The following CACNA1A variants were observed in gnomAD, a reference collection of about 807,000 sequenced individuals.
The protein encoded by CACNA1A is calcium voltage-gated channel subunit alpha1 A, also known as voltage-dependent P/Q-type calcium channel subunit alpha-1A.
CACNA1A carries 57 observed loss-of-function variants against 262.4 expected under a neutral mutation model. The observed-to-expected ratio is 0.22, with a 90% CI of 0.18 to 0.27. The LOEUF is 0.27. CACNA1A is among the 10% of genes least tolerant of loss of function. The pLI is 1.00. For synonymous variants in CACNA1A, 1,431 were observed against 1,419.3 expected (o/e 1.01, Z -0.18); for missense variants, 2,526 against 3,562.8 (o/e 0.71, Z 7.41).
chr19:13,298,585 G>T lies in CACNA1A; in HGVS notation c.3048C>A (p.Asp1016Glu). ...RHGAPATYEG[D>E]ARREDKERRH... Reference sequence around the variant, plus strand: ...TCCGCTCCTTGTCCTCCCTCCGCGCGTCCCCCTCGTACGTGGCTGGAGCGC... The same window carrying T: ...TCCGCTCCTTGTCCTCCCTCCGCGCTTCCCCCTCGTACGTGGCTGGAGCGC... The change falls in exon 19 of 47, where the codon GAC (aspartate) becomes GAA (glutamate). Residue 1016 changes from aspartate (D) to glutamate (E), a missense_variant. Around this residue, in one of 17 missense-constraint regions of CACNA1A, gnomAD observed 765 missense variants for 748.6 expected, o/e 1.02. Transcript: ENST00000360228. The T allele has an allele frequency of 6.5e-7, 1 of 1,542,090 alleles. No homozygotes were observed. Among genetic ancestry groups the T allele is most frequent in the Non-Finnish European group, 8.8e-7 (1 of 1,142,526 alleles).
At chr19:13,232,835 G>A (rs191902862) in intron 34 of CACNA1A, among the ~76,000 whole-genome samples, 50 of 151,462 alleles carry the variant, frequency 3.3e-4, no homozygotes, top group African/African-American at 1.1e-3. Flanking sequence ...GATCACCTGA[G>A]GTCAGGAGTT....
In CACNA1A at chr19:13,210,761, A is replaced by G. The variant is rs1311720150; in HGVS notation, c.6304-109T>C. On this transcript the variant is annotated intron_variant, in intron 43 of 46. Transcript: ENST00000360228. ...GTGGTGCATGGAGAAGAAGCCAAGG[A>G]GGGGAGTGGCACTGGCATCAAGAGA... The G allele has an allele frequency of 3.0e-5, 33 of 1,113,218 alleles. No homozygotes were observed. The East Asian group carries it at 8.2e-4, about 28-fold the overall frequency. 69.0% of individuals were successfully genotyped at this position (1,113,218 alleles called of 1,614,324 possible).
chr19:13,320,654 G>T (rs1401941728), intron 10 of CACNA1A, among the ~76,000 whole-genome samples: 2 of 152,068 alleles, frequency 1.3e-5, no homozygotes, highest in African/African-American at 4.8e-5. Context: ...CCTACTAAGT[G>T]CTGGACCCCA....
rs150142387 is a variant in CACNA1A at position 13,393,809 on chromosome 19, C to CCT, written c.540-22032_540-22031dup. Among the ~76,000 whole-genome samples the CCT allele has an allele frequency of 3.6e-3, 365 of 102,610 alleles. 4 individuals are homozygous for CCT. The highest frequency in any genetic ancestry group is 7.2e-3 in the African/African-American group (206 of 28,486). 67.3% of individuals were successfully genotyped at this position (102,610 alleles called of 152,430 possible). A position where few individuals can be genotyped will look rare whatever the true frequency, so the allele number is the denominator to read the frequency against. On this transcript the variant is annotated intron_variant, in intron 3 of 46. Transcript: ENST00000360228. ...TCCTTCCTTCCTTCCCTCCCTCCTT[C>CCT]CTCTCTCTCTCTCTCTCTCTCTCTC...
intron 1 of CACNA1A, among the ~76,000 whole-genome samples, chr19:13,461,886 G>C (rs1050282161): frequency 3.3e-5 from 5 of 152,118 alleles, no homozygotes; most frequent in African/African-American, 1.2e-4. Context: ...AATGGCTCTC[G>C]GAAGTCAGGA....
intron 24 of CACNA1A, chr19:13,274,141 A>G (rs951001213): frequency 1.3e-5 from 2 of 152,180 alleles, no homozygotes; most frequent in Non-Finnish European, 2.9e-5. Flanking sequence ...AACGAACAAA[A>G]AGAGAGGAGA....
At position 13,371,674 on chromosome 19, in the gene CACNA1A, G is replaced by A. The variant is rs1377159542; in HGVS notation, c.631+14C>T. 62 of 1,556,790 alleles carry A rather than the reference G, an allele frequency of 4.0e-5. No homozygotes were observed. Among genetic ancestry groups the A allele is most frequent in the Non-Finnish European group, 4.7e-5 (54 of 1,148,500 alleles). The stretch of plus-strand genomic sequence containing the variant: ...CGTGAGCAAACCCCTTGTCAGGGTC[G>A]GAAACTCACGCACTTGGGATTCCAG... On this transcript the variant is annotated intron_variant, in intron 4 of 46. Coordinates refer to ENST00000360228, the MANE Select transcript of CACNA1A (RefSeq NM_001127222.2).
intron 3 of CACNA1A, among the ~76,000 whole-genome samples, chr19:13,448,532 A>G (rs907045535): frequency 6.6e-6 from 1 of 152,150 alleles, no homozygotes; most frequent in African/African-American, 2.4e-5. Flanking sequence ...CCACACAGGG[A>G]TTTTTAAGGC....
chr19:13,263,167 C>CT, intron 24 of CACNA1A: 1 of 259,030 alleles, frequency 3.9e-6, no homozygotes, highest in Admixed American at 4.9e-5. Context: ...TTCTGCACAG[C>CT]TTTTCTTTTT....
intron 3 of CACNA1A, among the ~76,000 whole-genome samples, chr19:13,391,210 T>C (rs1746907631): frequency 6.6e-6 from 1 of 152,150 alleles, no homozygotes; most frequent in Non-Finnish European, 1.5e-5. Flanking sequence ...TTTGAACAAA[T>C]ATCTTAGTTT....
chr19:13,224,838 G>T, intron 37 of CACNA1A, 66 bp from the exon 38 acceptor site: 1 of 1,169,912 alleles, frequency 8.5e-7, no homozygotes, highest in Non-Finnish European at 1.2e-6. Context: ...CGTGAGCCGC[G>T]CCCGCCCCTA....
chr19:13,296,292 A>G (rs1568504653), intron 19 of CACNA1A, among the ~76,000 whole-genome samples: 1 of 152,192 alleles, frequency 6.6e-6, no homozygotes, highest in African/African-American at 2.4e-5. Flanking sequence ...CTCATATGTC[A>G]TACAACAGGA....
At chr19:13,255,705 T>TCCCCCCCTCCCTCCTTCTC (rs2056532573) in intron 28 of CACNA1A, among the ~76,000 whole-genome samples, 1 of 31,850 alleles carries the variant, frequency 3.1e-5, no homozygotes, top group African/African-American at 1.2e-4. Context: ...CCCTCCTTCC[T>TCCCCCCCTCCCTCCTTCTC]TCCCTCCCTC....
intron 1 of CACNA1A, among the ~76,000 whole-genome samples, chr19:13,468,604 T>G (rs148344024): frequency 1.3e-5 from 2 of 152,082 alleles, no homozygotes; most frequent in Non-Finnish European, 2.9e-5. Flanking sequence ...TTGGTCAACA[T>G]GGTGAAACCC....
At chr19:13,230,906 AC>A in intron 35 of CACNA1A, among the ~76,000 whole-genome samples, 1 of 151,828 alleles carries the variant, frequency 6.6e-6, no homozygotes, top group Middle Eastern at 3.4e-3. Flanking sequence ...AGGGACCAAC[AC>A]CAAGAGAACC....
At chr19:13,348,067 C>T (rs1408211669) in intron 6 of CACNA1A, among the ~76,000 whole-genome samples, 1 of 151,952 alleles carries the variant, frequency 6.6e-6, no homozygotes, top group Non-Finnish European at 1.5e-5. Flanking sequence ...ACTACAGGTA[C>T]ACACCACCAT....
At position 13,506,085 on chromosome 19, in the gene CACNA1A, A is replaced by T; in HGVS notation, c.140T>A (p.Met47Lys). ...TCTCTGCGCCATTGACTGCTTGTACATCCTTTGCGCCCCGGGCTGCCCGCC... is the reference window on the plus strand; with the variant it reads ...TCTCTGCGCCATTGACTGCTTGTACTTCCTTTGCGCCCCGGGCTGCCCGCC... ...RQGGQPGAQR[M>K]YKQSMAQRAR... Residue 47 changes from methionine to lysine, a missense_variant, in exon 1 of 47, where the codon ATG becomes AAG. By Grantham distance (95) the Met-to-Lys change is moderately conservative. Coordinates refer to ENST00000360228, the MANE Select transcript of CACNA1A (RefSeq NM_001127222.2). The T allele has an allele frequency of 6.2e-7, 1 of 1,613,458 alleles. No homozygotes were observed. The highest frequency in any genetic ancestry group is 2.2e-5 in the East Asian group (1 of 44,748).
chr19:13,267,659 C>T (rs1425703434), intron 24 of CACNA1A, among the ~76,000 whole-genome samples: 1 of 152,216 alleles, frequency 6.6e-6, no homozygotes, highest in East Asian at 2.0e-4. Context: ...AAAACAGGCC[C>T]AGACTGGGTG....
chr19:13,361,023 G>T (rs2059101998), intron 5 of CACNA1A, among the ~76,000 whole-genome samples: 1 of 152,144 alleles, frequency 6.6e-6, no homozygotes, highest in Non-Finnish European at 1.5e-5. Context: ...GGTGTAGCTG[G>T]TAAGTGCAGC....
Sources: allele counts gnomAD v4.1 joint callset (sites outside exome capture counted in the v4.1 genomes callset), GRCh38; gene constraint gnomAD v4.1.1; regional missense constraint gnomAD v4.1.1; transcripts MANE v1.5; gene names NCBI Gene and HGNC (gene_info 2026-07-23, HGNC 2026-07-21).